The following SVIL variants were observed in gnomAD, a reference collection of about 807,000 sequenced individuals.
SVIL encodes the protein archvillin.
A neutral mutation model predicts 240.4 loss-of-function variants in SVIL; 101 were observed. The observed-to-expected ratio is 0.42, with a 90% CI of 0.36 to 0.50. The LOEUF (loss-of-function observed/expected upper bound fraction) is 0.50. Ranked by LOEUF, SVIL falls within the 20% of genes least tolerant of loss-of-function variation. The probability of loss-of-function intolerance (pLI) is 0.01; values close to 1 mark genes in which losing one functional copy is unlikely to be tolerated. For synonymous variants in SVIL, 999 were observed against 1,100.0 expected (o/e 0.91, Z 1.82); for missense variants, 2,512 against 2,818.7 (o/e 0.89, Z 2.46).
At chr10:29,710,785 A>C (rs1335149160) in intron 1 of SVIL, among the ~76,000 whole-genome samples, 2 of 152,220 alleles carry the variant, frequency 1.3e-5, no homozygotes, top group African/African-American at 4.8e-5. Context: ...TAAGACTCAG[A>C]AAGTGAGCCT....
chr10:29,525,848 C>G (rs1025089725), intron 13 of SVIL, among the ~76,000 whole-genome samples: 2 of 152,136 alleles, frequency 1.3e-5, no homozygotes, highest in Non-Finnish European at 2.9e-5. Context: ...CTTCCATATT[C>G]CAGGTGTATA....
intron 1 of SVIL, among the ~76,000 whole-genome samples, chr10:29,710,929 T>C (rs1238783371): frequency 1.3e-5 from 2 of 152,078 alleles, no homozygotes; most frequent in African/African-American, 4.8e-5. Flanking sequence ...CAACTGCAAG[T>C]CTAGGAAGCC....
intron 6 of SVIL, among the ~76,000 whole-genome samples, chr10:29,542,864 T>C (rs570425105): frequency 2.0e-5 from 3 of 152,350 alleles, no homozygotes; most frequent in East Asian, 3.9e-4. Flanking sequence ...ACTCCTCATT[T>C]GGCTCATGAC....
chr10:29,734,432 T>C (rs1299857389), intron 1 of SVIL, among the ~76,000 whole-genome samples: 4 of 152,114 alleles, frequency 2.6e-5, no homozygotes, highest in African/African-American at 7.2e-5. Context: ...GAATAAACAG[T>C]CCTCTTTGGA....
At chr10:29,719,595 A>C (rs116337820) in intron 1 of SVIL, among the ~76,000 whole-genome samples, 199 of 152,350 alleles carry the variant, frequency 1.3e-3, no homozygotes, top group African/African-American at 4.5e-3. Context: ...AGACAAGGAC[A>C]AATATTCAAG....
At chr10:29,465,146 G>A (rs565501388) in intron 34 of SVIL, among the ~76,000 whole-genome samples, 2 of 152,320 alleles carry the variant, frequency 1.3e-5, no homozygotes, top group African/African-American at 4.8e-5. Flanking sequence ...GGGAAAACAC[G>A]TGCTTTATCT....
At chr10:29,546,610 G>T (rs912075622) in intron 6 of SVIL, among the ~76,000 whole-genome samples, 3 of 152,156 alleles carry the variant, frequency 2.0e-5, no homozygotes, top group Non-Finnish European at 2.9e-5. Context: ...AAGAATTAAT[G>T]ATTATTCTGT....
intron 1 of SVIL, among the ~76,000 whole-genome samples, chr10:29,697,120 C>T (rs1378441796): frequency 8.3e-6 from 1 of 120,600 alleles, no homozygotes; most frequent in Non-Finnish European, 1.7e-5. Context: ...GCCCGGCCAG[C>T]CGCTCCGTCC....
chr10:29,506,788 C>A (rs1214338978), intron 17 of SVIL, among the ~76,000 whole-genome samples: 2 of 147,632 alleles, frequency 1.4e-5, no homozygotes, highest in Non-Finnish European at 3.0e-5. Context: ...AGGACAGAGG[C>A]CCTATGAGGG....
intron 4 of SVIL, 53 bp downstream of exon 4, chr10:29,554,998 A>G (rs1953769565): frequency 4.3e-6 from 7 of 1,611,246 alleles, no homozygotes; most frequent in South Asian, 1.1e-5. Context: ...AAAATGGAAT[A>G]CTGCTTTGCC....
chr10:29,533,099 C>T lies in SVIL; in HGVS notation c.1268G>A (p.Cys423Tyr), dbSNP rs372159434. 95 of 1,614,004 alleles carry T rather than the reference C, an allele frequency of 5.9e-5. 2 individuals are homozygous for T. Among genetic ancestry groups the T allele is most frequent in the Middle Eastern group, 1.6e-4 (1 of 6,062 alleles). Residue 423 changes from cysteine to tyrosine, a missense_variant, in exon 8 of 38, where the codon TGC becomes TAC. By Grantham distance (194) the Cys-to-Tyr change is radical. Around this residue, in one of 3 missense-constraint regions of SVIL, gnomAD observed 1,443 missense variants for 1,486.6 expected, o/e 0.97. Transcript: ENST00000355867. ...DGRDSPVLHV[C>Y]ESKAEEEEGE... ...TTCTTCTTCTTCTGCTTTTGACTCG[C>T]AGACATGGAGAACTGGGCTATCCCT...
chr10:29,612,171 C>T (rs1039651538), intron 1 of SVIL, among the ~76,000 whole-genome samples: 1 of 152,120 alleles, frequency 6.6e-6, no homozygotes, highest in Admixed American at 6.5e-5. Context: ...GTAGCATGTG[C>T]CAGCCAGGTG....
chr10:29,468,611 A>G (rs921626356), intron 32 of SVIL, among the ~76,000 whole-genome samples: 2 of 151,246 alleles, frequency 1.3e-5, no homozygotes, highest in African/African-American at 4.9e-5. Flanking sequence ...GTGGGTATAT[A>G]CTAATAGTAG....
intron 17 of SVIL, among the ~76,000 whole-genome samples, chr10:29,509,470 G>T: frequency 6.6e-6 from 1 of 152,062 alleles, no homozygotes; most frequent in East Asian, 1.9e-4. Flanking sequence ...CCTCATTTTG[G>T]GGGGAGGGTG....
chr10:29,535,149 T>C (rs543657409), intron 7 of SVIL, among the ~76,000 whole-genome samples: 1 of 152,318 alleles, frequency 6.6e-6, no homozygotes, highest in South Asian at 2.1e-4. Flanking sequence ...GCAGTGTATC[T>C]ATATATGTGT....
At chr10:29,724,020 G>A (rs916552027) in intron 1 of SVIL, among the ~76,000 whole-genome samples, 1 of 152,150 alleles carries the variant, frequency 6.6e-6, no homozygotes, top group Non-Finnish European at 1.5e-5. Context: ...TGGGTATGGG[G>A]CAAGGGAAGT....
intron 2 of SVIL, among the ~76,000 whole-genome samples, chr10:29,680,479 G>C (rs544034967): frequency 6.6e-6 from 1 of 152,346 alleles, no homozygotes; most frequent in East Asian, 1.9e-4. Flanking sequence ...CATGGGCAGG[G>C]GGCCGTGGGA....
intron 1 of SVIL, among the ~76,000 whole-genome samples, chr10:29,730,113 GGCTGTAGTAA>G (rs1964534718): frequency 7.2e-5 from 11 of 152,044 alleles, no homozygotes; most frequent in Admixed American, 5.9e-4. Context: ...AGGAGTTCAA[GGCTGTAGTAA>G]GCTATGATCA....
At chr10:29,728,984 A>C (rs1964446867) in intron 1 of SVIL, among the ~76,000 whole-genome samples, 1 of 152,188 alleles carries the variant, frequency 6.6e-6, no homozygotes, top group Non-Finnish European at 1.5e-5. Flanking sequence ...AGAGGGAAAC[A>C]AACAAAGGGT....
Sources: allele counts gnomAD v4.1 joint callset (sites outside exome capture counted in the v4.1 genomes callset), GRCh38; gene constraint gnomAD v4.1.1; regional missense constraint gnomAD v4.1.1; transcripts MANE v1.5; gene names NCBI Gene and HGNC (gene_info 2026-07-23, HGNC 2026-07-21).